RBFOX1: variants seen among roughly 807,000 people sequenced by gnomAD.
The protein encoded by RBFOX1 is RNA binding fox-1 homolog 1, also known as RNA binding protein fox-1 homolog 1.
A neutral mutation model predicts 57.7 loss-of-function variants in RBFOX1; 8 were observed. That is an observed-to-expected ratio of 0.14 (90% CI 0.08 to 0.25). The LOEUF (loss-of-function observed/expected upper bound fraction) is 0.25, where lower values mean the gene tolerates loss of function less well. Among genes scored for constraint, RBFOX1 ranks in the 10% least tolerant of loss-of-function variants. RBFOX1 has a pLI of 1.00. For synonymous variants in RBFOX1, 326 were observed against 222.4 expected (o/e 1.47, Z -4.15); for missense variants, 611 against 548.5 (o/e 1.11, Z -1.14).
At chr16:7,495,701 T>C (rs1260697644) in intron 4 of RBFOX1, among the ~76,000 whole-genome samples, 1 of 152,220 alleles carries the variant, frequency 6.6e-6, no homozygotes, top group Non-Finnish European at 1.5e-5. Flanking sequence ...ATTCCATCTT[T>C]AAGTCTCAGA....
In RBFOX1 at chr16:6,749,070, T is replaced by C. The variant is rs1208879318; in HGVS notation, c.-16+94420T>C. The C allele has an allele frequency of 3.9e-5, 6 of 152,308 alleles. No individual in the cohort carries two copies. In the East Asian group the frequency reaches 9.7e-4, roughly 25 times the overall value. The allele number at this position is 152,308 out of a possible 1,614,324, so 9.4% of individuals were successfully genotyped here. On this transcript the variant is annotated intron_variant, in intron 3 of 15. Coordinates refer to ENST00000550418, the MANE Select transcript of RBFOX1 (RefSeq NM_018723.4). The stretch of plus-strand genomic sequence containing the variant: ...ATCTGGGTATTCATAAAATGACTGA[T>C]ATTTCTGTCCACAGTTGAGTGAAAA...
At chr16:7,262,938 A>T (rs965094162) in intron 4 of RBFOX1, among the ~76,000 whole-genome samples, 3 of 152,298 alleles carry the variant, frequency 2.0e-5, no homozygotes, top group Admixed American at 2.0e-4. Flanking sequence ...TTGCCACTGG[A>T]CAAGAGAGTA....
intron 3 of RBFOX1, among the ~76,000 whole-genome samples, chr16:5,812,177 T>C (rs2055456465): frequency 6.6e-6 from 1 of 152,214 alleles, no homozygotes; most frequent in Non-Finnish European, 1.5e-5. Flanking sequence ...TACATTGTGT[T>C]TATCCATTCA....
At chr16:7,196,613 A>G (rs547952822) in intron 4 of RBFOX1, among the ~76,000 whole-genome samples, 11 of 152,296 alleles carry the variant, frequency 7.2e-5, no homozygotes, top group African/African-American at 2.6e-4. Context: ...AGAGGAAACC[A>G]GGGTCAATGC....
intron 3 of RBFOX1, 109 bp from the exon 4 acceptor site, chr16:7,051,948 T>C (rs2050227545): frequency 1.4e-6 from 2 of 1,467,290 alleles, no homozygotes; most frequent in East Asian, 5.0e-5. Flanking sequence ...AATTAATTAA[T>C]TATGGGTTTT....
At chr16:5,906,273 A>C (rs1286052784) in intron 4 of RBFOX1, among the ~76,000 whole-genome samples, 1 of 152,212 alleles carries the variant, frequency 6.6e-6, no homozygotes, top group Non-Finnish European at 1.5e-5. Context: ...TGGGCCCCAA[A>C]TGAAGTATGA....
intron 14 of RBFOX1, among the ~76,000 whole-genome samples, chr16:7,677,956 C>T (rs1442923709): frequency 6.6e-6 from 1 of 152,168 alleles, no homozygotes; most frequent in Non-Finnish European, 1.5e-5. Flanking sequence ...TTCCATTTCT[C>T]ACGAGACGTG....
At chr16:7,183,905 G>T (rs944109531) in intron 4 of RBFOX1, among the ~76,000 whole-genome samples, 1 of 152,266 alleles carries the variant, frequency 6.6e-6, no homozygotes, top group East Asian at 1.9e-4. Context: ...TAGTTTAAAG[G>T]GGATAGATGG....
chr16:6,893,952 A>G (rs1319084944), intron 3 of RBFOX1, among the ~76,000 whole-genome samples: 1 of 152,190 alleles, frequency 6.6e-6, no homozygotes, highest in Non-Finnish European at 1.5e-5. Context: ...GAACATGATA[A>G]TTAACCAAGT....
At chr16:7,272,774 G>T (rs1397053606) in intron 4 of RBFOX1, among the ~76,000 whole-genome samples, 1 of 152,098 alleles carries the variant, frequency 6.6e-6, no homozygotes, top group Admixed American at 6.5e-5. Context: ...GCATTCTCTT[G>T]CTTTGTATTC....
intron 2 of RBFOX1, among the ~76,000 whole-genome samples, chr16:6,636,163 C>G (rs1435162290): frequency 1.3e-5 from 2 of 152,026 alleles, no homozygotes; most frequent in African/African-American, 4.8e-5. Flanking sequence ...TTTGGGGGCA[C>G]TTGGATTTGG....
chr16:6,023,195 A>G (rs1477190988), intron 1 of RBFOX1, among the ~76,000 whole-genome samples: 1 of 152,084 alleles, frequency 6.6e-6, no homozygotes, highest in Non-Finnish European at 1.5e-5. Context: ...AAGCTGAAAC[A>G]TGGGTCTGAG....
intron 3 of RBFOX1, among the ~76,000 whole-genome samples, chr16:7,038,366 T>C (rs2045157639): frequency 6.6e-6 from 1 of 152,212 alleles, no homozygotes; most frequent in Non-Finnish European, 1.5e-5. Context: ...TTGCTTTCGC[T>C]GCTGAAACAA....
intron 4 of RBFOX1, among the ~76,000 whole-genome samples, chr16:7,146,328 A>C (rs768744953): frequency 1.3e-5 from 2 of 152,172 alleles, no homozygotes; most frequent in African/African-American, 4.8e-5. Flanking sequence ...TTGCCTTTGA[A>C]ATGCACTTGC....
Position 5,338,468 on chromosome 16 carries a change from A to T in RBFOX1, c.219+98363A>T, listed in dbSNP as rs563006839. Among the ~76,000 whole-genome samples, 8 of 152,336 alleles carry T rather than the reference A, an allele frequency of 5.3e-5. No homozygotes were observed. The South Asian group carries it at 1.7e-3, about 32-fold the overall frequency. On this transcript the variant is annotated intron_variant, in intron 1 of 2. Coordinates refer to the RBFOX1 transcript ENST00000585867. ...AAAATGAAGAAGATCTGGAGAGAGA[A>T]TCAGAAACTAGGGCCGTCTGAAGAC...
At chr16:5,584,346 G>A (rs940619106) in intron 2 of RBFOX1, among the ~76,000 whole-genome samples, 1 of 152,198 alleles carries the variant, frequency 6.6e-6, no homozygotes, top group Non-Finnish European at 1.5e-5. Flanking sequence ...TCTTGAGCCA[G>A]AAATATGTCG....
rs888713892 is a variant in RBFOX1, at chr16:5,867,893, G to A, written c.351+558G>A. ...CGCCTGGCTAATTTTTGTGTTTTTA[G>A]TAGAGACAGGGTTTCACCATGTTGA... On this transcript the variant is annotated intron_variant, in intron 4 of 19. Transcript: ENST00000641259. 2.0e-5 allele frequency among the ~76,000 whole-genome samples: 3 copies of A among 152,038 alleles called. No individual in the cohort carries two copies. In the East Asian group the frequency reaches 5.8e-4, roughly 30 times the overall value.
At chr16:5,615,548 T>G (rs1567301923) in intron 3 of RBFOX1, among the ~76,000 whole-genome samples, 1 of 152,246 alleles carries the variant, frequency 6.6e-6, no homozygotes. Context: ...ACAAGGCAGC[T>G]GGCTGCCAAT....
chr16:7,673,722 T>C (rs1487053930), intron 13 of RBFOX1, among the ~76,000 whole-genome samples: 1 of 152,200 alleles, frequency 6.6e-6, no homozygotes, highest in African/African-American at 2.4e-5. Flanking sequence ...CAATGACAAT[T>C]TGAAATTTTT....
Sources: gnomAD v4.1 joint callset for allele counts (sites outside exome capture counted in the v4.1 genomes callset) on GRCh38, gnomAD v4.1.1 for gene constraint, MANE v1.5 for transcripts, NCBI Gene and HGNC (gene_info 2026-07-23, HGNC 2026-07-21) for gene names.